PTPRK: variants seen among roughly 807,000 people sequenced by gnomAD.
PTPRK encodes protein tyrosine phosphatase receptor type K, also known as receptor-type tyrosine-protein phosphatase kappa.
Under a neutral mutation model 178.0 loss-of-function variants are expected in PTPRK, and 75 were observed. The observed-to-expected ratio is 0.42, with a 90% CI of 0.35 to 0.51. The LOEUF is 0.51. PTPRK is among the 20% of genes least tolerant of loss of function. The probability of loss-of-function intolerance (pLI) is 0.02; values close to 1 mark genes in which losing one functional copy is unlikely to be tolerated. For synonymous variants in PTPRK, 637 were observed against 620.6 expected, an observed-to-expected ratio of 1.03 and a Z score of -0.39; for missense variants, 1,441 against 1,797.8, an observed-to-expected ratio of 0.80 and a Z score of 3.59.
At chr6:128,149,338 T>G (rs1249357120) in intron 7 of PTPRK, among the ~76,000 whole-genome samples, 1 of 151,960 alleles carries the variant, frequency 6.6e-6, no homozygotes, top group East Asian at 1.9e-4. Context: ...CATATCATGG[T>G]TAATGAAATA....
rs1044612477 is a variant in PTPRK, at chr6:128,474,989, T to C, written c.100+45270A>G. Among the ~76,000 whole-genome samples, 8 of 152,092 alleles carry C rather than the reference T, an allele frequency of 5.3e-5. 1 individual carries two copies. The highest frequency in any genetic ancestry group is 1.4e-4 in the African/African-American group (6 of 41,438). On this transcript the variant is annotated intron_variant, in intron 1 of 29. Transcript: ENST00000368226. ...GCAAGGCAGGCCACATTCATTGGTATAGGATGATATAAAATGGGCCCATCC... is the reference window on the plus strand; with the variant it reads ...GCAAGGCAGGCCACATTCATTGGTACAGGATGATATAAAATGGGCCCATCC...
At chr6:128,066,182 A>G (rs1582821144) in intron 12 of PTPRK, among the ~76,000 whole-genome samples, 2 of 152,166 alleles carry the variant, frequency 1.3e-5, no homozygotes, top group East Asian at 3.9e-4. Flanking sequence ...GAATGGACTA[A>G]TAACTTCCAT....
chr6:128,178,103 C>T lies in PTPRK; in HGVS notation c.1162+6329G>A, dbSNP rs149871436. On this transcript the variant is annotated intron_variant, in intron 7 of 29. Transcript: ENST00000368226. The stretch of plus-strand genomic sequence containing the variant: ...TGGATAAGGCCATGGCTTTGTTCAA[C>T]GGAAGCATTAAACCAACTCTGTTTA... Among the ~76,000 whole-genome samples, 324 of 151,838 alleles carry T rather than the reference C, an allele frequency of 2.1e-3. 5 individuals are homozygous for T. The highest frequency in any genetic ancestry group is 0.02 in the Admixed American group (300 of 15,184).
chr6:128,029,669 A>G (rs1048691813), intron 13 of PTPRK, among the ~76,000 whole-genome samples: 7 of 147,714 alleles, frequency 4.7e-5, no homozygotes, highest in Admixed American at 6.8e-5. Flanking sequence ...TAATAATAAT[A>G]ATAATAATAA....
At chr6:128,106,238 T>C (rs962654912) in intron 7 of PTPRK, among the ~76,000 whole-genome samples, 1 of 152,220 alleles carries the variant, frequency 6.6e-6, no homozygotes, top group Non-Finnish European at 1.5e-5. Context: ...AGTTGTATAT[T>C]AGTGGTCCAC....
At chr6:128,097,045 C>G (rs968515162) in intron 7 of PTPRK, among the ~76,000 whole-genome samples, 12 of 152,120 alleles carry the variant, frequency 7.9e-5, no homozygotes, top group Admixed American at 4.6e-4. Flanking sequence ...TTCAATGTTA[C>G]AGCATCATTA....
At chr6:128,243,664 A>G (rs1814925055) in intron 3 of PTPRK, among the ~76,000 whole-genome samples, 2 of 152,094 alleles carry the variant, frequency 1.3e-5, no homozygotes, top group South Asian at 4.2e-4. Flanking sequence ...ACCGCACTCC[A>G]GCCTGAGCGA....
At chr6:128,209,929 TG>T in intron 6 of PTPRK, among the ~76,000 whole-genome samples, 1 of 152,118 alleles carries the variant, frequency 6.6e-6, no homozygotes, top group African/African-American at 2.4e-5. Flanking sequence ...GCCTTGGAGC[TG>T]TGATGAGGCA....
chr6:128,410,026 C>T (rs1842120273), intron 1 of PTPRK, among the ~76,000 whole-genome samples: 1 of 152,150 alleles, frequency 6.6e-6, no homozygotes, highest in Non-Finnish European at 1.5e-5. Context: ...CTAACCCCTC[C>T]TTTTAGCCCT....
At chr6:128,016,954 T>C (rs1363271435) in intron 13 of PTPRK, among the ~76,000 whole-genome samples, 2 of 152,042 alleles carry the variant, frequency 1.3e-5, no homozygotes, top group African/African-American at 2.4e-5. Context: ...TATTCTGTGC[T>C]GACAGTAAAT....
chr6:128,498,660 C>T (rs1404994615), intron 1 of PTPRK, among the ~76,000 whole-genome samples: 1 of 152,116 alleles, frequency 6.6e-6, no homozygotes, highest in Non-Finnish European at 1.5e-5. Context: ...CACACTGATA[C>T]ATAAAATGTA....
intron 15 of PTPRK, chr6:128,000,315 T>A: frequency 6.9e-6 from 9 of 1,298,250 alleles, no homozygotes; most frequent in Non-Finnish European, 9.0e-6. Context: ...GTCCCCATGA[T>A]AAACATTTTT....
chr6:128,054,396 A>G (rs985999991), intron 13 of PTPRK, among the ~76,000 whole-genome samples: 5 of 152,212 alleles, frequency 3.3e-5, no homozygotes, highest in African/African-American at 1.2e-4. Flanking sequence ...ATGTATTAAA[A>G]ATGTCTCACA....
At chr6:128,358,373 T>A (rs898694242) in intron 2 of PTPRK, among the ~76,000 whole-genome samples, 2 of 152,158 alleles carry the variant, frequency 1.3e-5, no homozygotes, top group African/African-American at 4.8e-5. Context: ...GGTCATGGGG[T>A]TTGTGGCAGT....
At chr6:128,270,925 G>C (rs532839216) in intron 3 of PTPRK, among the ~76,000 whole-genome samples, 1 of 151,916 alleles carries the variant, frequency 6.6e-6, no homozygotes, top group South Asian at 2.1e-4. Flanking sequence ...TAAAAGGAGA[G>C]GGCAGAACTG....
At chr6:128,379,971 T>C (rs1291660601) in intron 2 of PTPRK, among the ~76,000 whole-genome samples, 1 of 152,084 alleles carries the variant, frequency 6.6e-6, no homozygotes, top group African/African-American at 2.4e-5. Flanking sequence ...TTGCAAGAAA[T>C]GAAAAACACA....
At chr6:128,290,489 T>A (rs1823206352) in intron 3 of PTPRK, among the ~76,000 whole-genome samples, 1 of 152,052 alleles carries the variant, frequency 6.6e-6, no homozygotes, top group South Asian at 2.1e-4. Context: ...TCCCCAGTCC[T>A]ACCGTGTCAG....
At chr6:128,263,855 G>C (rs1204799353) in intron 3 of PTPRK, among the ~76,000 whole-genome samples, 1 of 152,128 alleles carries the variant, frequency 6.6e-6, no homozygotes, top group Non-Finnish European at 1.5e-5. Flanking sequence ...CCTTGTAGAG[G>C]TGGCACTGGG....
intron 2 of PTPRK, among the ~76,000 whole-genome samples, chr6:128,322,717 C>A (rs6913718): frequency 0.12 from 17,257 of 148,844 alleles, 1,686 homozygotes; most frequent in African/African-American, 0.26. Flanking sequence ...ACATTATTGG[C>A]CTGGTTTACA....
Sources: allele counts gnomAD v4.1 joint callset (sites outside exome capture counted in the v4.1 genomes callset), GRCh38; gene constraint gnomAD v4.1.1; transcripts MANE v1.5; gene names NCBI Gene and HGNC (gene_info 2026-07-23, HGNC 2026-07-21).